EHBP1: variants seen among roughly 807,000 people sequenced by gnomAD.
EHBP1 encodes the protein EH domain-binding protein 1.
Under a neutral mutation model 144.0 loss-of-function variants are expected in EHBP1, and 55 were observed. The ratio of observed to expected loss-of-function variants is 0.38; its 90% CI spans 0.31 to 0.48. The LOEUF (loss-of-function observed/expected upper bound fraction) is 0.48. Among genes scored for constraint, EHBP1 ranks in the 20% least tolerant of loss-of-function variants. The pLI is 0.98. For synonymous variants in EHBP1, 469 were observed against 472.7 expected (o/e 0.99, Z 0.10); for missense variants, 1,200 against 1,364.2 (o/e 0.88, Z 1.90).
chr2:62,949,578 A>G (rs1399972099), intron 13 of EHBP1, among the ~76,000 whole-genome samples: 1 of 152,238 alleles, frequency 6.6e-6, no homozygotes, highest in Non-Finnish European at 1.5e-5. Flanking sequence ...TATAAAAACA[A>G]TATTCTACTA....
intron 5 of EHBP1, among the ~76,000 whole-genome samples, chr2:62,809,529 C>T (rs999822349): frequency 3.3e-5 from 5 of 151,810 alleles, no homozygotes; most frequent in African/African-American, 1.2e-4. Context: ...ATTTTAGATT[C>T]AAGGGGTACA....
chr2:62,712,494 A>G (rs1021337385), intron 2 of EHBP1, among the ~76,000 whole-genome samples: 3 of 152,224 alleles, frequency 2.0e-5, no homozygotes, highest in African/African-American at 7.2e-5. Flanking sequence ...GCAAGTTTGC[A>G]TATTTTAATC....
chr2:62,774,654 G>A (rs1031328813), intron 5 of EHBP1, among the ~76,000 whole-genome samples: 1 of 152,096 alleles, frequency 6.6e-6, no homozygotes, highest in Non-Finnish European at 1.5e-5. Context: ...GACCAGCCTG[G>A]GCAACACAAA....
intron 3 of EHBP1, among the ~76,000 whole-genome samples, chr2:62,755,374 C>A (rs1337576116): frequency 6.6e-6 from 1 of 151,468 alleles, no homozygotes; most frequent in Non-Finnish European, 1.5e-5. Flanking sequence ...TGCAAATATA[C>A]TACAATATGA....
chr2:62,863,601 T>G (rs1020668895), intron 8 of EHBP1, among the ~76,000 whole-genome samples: 1 of 152,070 alleles, frequency 6.6e-6, no homozygotes, highest in East Asian at 1.9e-4. Flanking sequence ...ATTGAAAAAA[T>G]AATCTCATTA....
intron 3 of EHBP1, among the ~76,000 whole-genome samples, chr2:62,759,163 C>T (rs1432533154): frequency 6.6e-6 from 1 of 152,090 alleles, no homozygotes; most frequent in Non-Finnish European, 1.5e-5. Context: ...TTTGATGTGA[C>T]TTGAAATGTG....
intron 10 of EHBP1, 44 bp downstream of exon 10, chr2:62,874,576 T>C: frequency 2.0e-6 from 3 of 1,466,418 alleles, no homozygotes; most frequent in Non-Finnish European, 2.8e-6. Flanking sequence ...TATTTGCTGT[T>C]TTCTCCCCGT....
At chr2:62,695,240 G>T (rs1265896157) in intron 1 of EHBP1, among the ~76,000 whole-genome samples, 1 of 152,046 alleles carries the variant, frequency 6.6e-6, no homozygotes, top group Non-Finnish European at 1.5e-5. Flanking sequence ...GTGTGCCTGT[G>T]GTCCCAACTA....
intron 10 of EHBP1, among the ~76,000 whole-genome samples, chr2:62,941,720 C>A (rs1253397656): frequency 3.3e-5 from 5 of 152,130 alleles, no homozygotes; most frequent in South Asian, 2.1e-4. Context: ...AATACTTGTT[C>A]TCTTTTCATT....
intron 10 of EHBP1, among the ~76,000 whole-genome samples, chr2:62,904,986 A>T (rs2053682799): frequency 6.6e-6 from 1 of 152,212 alleles, no homozygotes; most frequent in African/African-American, 2.4e-5. Flanking sequence ...GCAAAATAAG[A>T]GTCTTCAGAT....
chr2:62,752,960 G>A (rs2039896741), intron 3 of EHBP1, among the ~76,000 whole-genome samples: 2 of 152,084 alleles, frequency 1.3e-5, no homozygotes, highest in Non-Finnish European at 2.9e-5. Flanking sequence ...TATCCAAATT[G>A]CCAGTTTGTT....
At chr2:62,899,763 A>G (rs1435846083) in intron 10 of EHBP1, among the ~76,000 whole-genome samples, 2 of 152,102 alleles carry the variant, frequency 1.3e-5, no homozygotes, top group African/African-American at 4.8e-5. Flanking sequence ...TTCCATATAA[A>G]CTCATTACTT....
chr2:62,942,976 AC>A lies in EHBP1; in HGVS notation c.1364+81del, dbSNP rs1412005031. 4 of 1,059,478 alleles carry A rather than the reference AC, an allele frequency of 3.8e-6. 1 individual carries two copies. The African/African-American group carries it at 6.5e-5, about 17-fold the overall frequency. The allele number at this position is 1,059,478 out of a possible 1,614,324, so 65.6% of individuals were successfully genotyped here. On this transcript the variant is annotated intron_variant, in intron 11 of 22. Coordinates refer to ENST00000431489, the MANE Select transcript of EHBP1 (RefSeq NM_001142616.3). Reference sequence around the variant, plus strand: ...AAAGAACATAAAATAATTTCTTAGCACATCCTGAAATAATTTATATTTGTTT... The same window carrying A: ...AAAGAACATAAAATAATTTCTTAGCAATCCTGAAATAATTTATATTTGTTT...
chr2:62,925,377 G>A (rs977229774), intron 10 of EHBP1, among the ~76,000 whole-genome samples: 1 of 151,546 alleles, frequency 6.6e-6, no homozygotes, highest in South Asian at 2.1e-4. Context: ...AAAAAAAAAG[G>A]CATCCAAATT....
chr2:62,993,714 A>C (rs1374090399), intron 17 of EHBP1, 46 bp downstream of exon 17: 2 of 1,162,370 alleles, frequency 1.7e-6, no homozygotes, highest in Non-Finnish European at 2.3e-6. Flanking sequence ...GTTTAACTAT[A>C]TATAGATATC....
chr2:62,826,552 G>A (rs1363816820), intron 6 of EHBP1: 1 of 217,882 alleles, frequency 4.6e-6, no homozygotes, highest in Admixed American at 5.7e-5. Flanking sequence ...CTTCAGTGTA[G>A]TAGTCTGTAC....
chr2:62,988,404 G>T (rs2059285154), intron 15 of EHBP1, among the ~76,000 whole-genome samples: 1 of 152,034 alleles, frequency 6.6e-6, no homozygotes, highest in South Asian at 2.1e-4. Context: ...CAAACCATGG[G>T]ATCAGATTTT....
At chr2:62,897,714 A>G (rs186478452) in intron 10 of EHBP1, among the ~76,000 whole-genome samples, 23 of 152,264 alleles carry the variant, frequency 1.5e-4, no homozygotes, top group African/African-American at 5.5e-4. Flanking sequence ...ATTGAAATGT[A>G]TTTTCCTTCC....
At chr2:63,004,531 A>G (rs1339707616) in intron 19 of EHBP1, among the ~76,000 whole-genome samples, 3 of 152,086 alleles carry the variant, frequency 2.0e-5, no homozygotes, top group Non-Finnish European at 4.4e-5. Context: ...ACAAGAAAAA[A>G]GTAAATACTT....
Sources: gnomAD v4.1 joint callset for allele counts (sites outside exome capture counted in the v4.1 genomes callset) on GRCh38, gnomAD v4.1.1 for gene constraint, MANE v1.5 for transcripts, NCBI Gene and HGNC (gene_info 2026-07-23, HGNC 2026-07-21) for gene names.